Variants in CNTNAP2 observed in about 807,000 individuals in gnomAD.
CNTNAP2 encodes contactin-associated protein-like 2.
Under a neutral mutation model 155.2 loss-of-function variants are expected in CNTNAP2, and 98 were observed. The observed-to-expected ratio is 0.63, with a 90% CI of 0.54 to 0.75. The LOEUF (loss-of-function observed/expected upper bound fraction) is 0.75. CNTNAP2 is among the 30% of genes least tolerant of loss of function. CNTNAP2 has a pLI of 0.00. For synonymous variants in CNTNAP2, 651 were observed against 631.2 expected (o/e 1.03, Z -0.47); for missense variants, 1,727 against 1,688.1 (o/e 1.02, Z -0.40).
intron 1 of CNTNAP2, among the ~76,000 whole-genome samples, chr7:146,167,861 A>G (rs1352538649): frequency 6.6e-6 from 1 of 152,212 alleles, no homozygotes; most frequent in Non-Finnish European, 1.5e-5. Flanking sequence ...AAGCAATTAC[A>G]AGTCCCAAAG....
chr7:148,031,220 G>A (rs930960044), intron 15 of CNTNAP2, among the ~76,000 whole-genome samples: 3 of 152,082 alleles, frequency 2.0e-5, no homozygotes, highest in South Asian at 2.1e-4. Context: ...GATAGCTCCC[G>A]GGTCCTTAAG....
intron 13 of CNTNAP2, among the ~76,000 whole-genome samples, chr7:147,802,771 G>A (rs1798026339): frequency 6.8e-6 from 1 of 146,178 alleles, no homozygotes; most frequent in Non-Finnish European, 1.5e-5. Context: ...CTGTGGAAAG[G>A]GGAGAGGGAG....
intron 4 of CNTNAP2, among the ~76,000 whole-genome samples, chr7:147,101,543 G>T (rs893772099): frequency 2.6e-4 from 39 of 152,144 alleles, no homozygotes; most frequent in African/African-American, 9.4e-4. Context: ...CTCTTGATAC[G>T]CAGGTCCTTG....
intron 15 of CNTNAP2, among the ~76,000 whole-genome samples, chr7:148,076,403 C>A (rs1260242700): frequency 7.0e-6 from 1 of 142,826 alleles, no homozygotes; most frequent in Non-Finnish European, 1.5e-5. Context: ...CTGGTGTAGA[C>A]CTATGATAGC....
chr7:146,459,293 C>T (rs2140083), intron 1 of CNTNAP2, among the ~76,000 whole-genome samples: 147,679 of 152,150 alleles, frequency 0.97, 71,827 homozygotes, highest in South Asian at 1. Context: ...TAGGTCCATG[C>T]GTGTGCATTT....
rs1432884561 is a variant in CNTNAP2, at chr7:147,952,032, A to G, written c.2256-25830A>G. 5.3e-5 allele frequency among the ~76,000 whole-genome samples: 8 copies of G among 152,206 alleles called. No homozygotes were observed. The East Asian group carries it at 7.7e-4, about 15-fold the overall frequency. ...TTTAGAAACTGAGCTTAATACAGTT[A>G]ATAGGTAAATGTTAGATGAATACCT... On this transcript the variant is annotated intron_variant, in intron 14 of 23. Transcript: ENST00000361727.
chr7:148,090,506 G>C (rs1284263850), intron 15 of CNTNAP2, among the ~76,000 whole-genome samples: 1 of 151,980 alleles, frequency 6.6e-6, no homozygotes, highest in African/African-American at 2.4e-5. Context: ...TATTTAAAAG[G>C]TTTAATATCA....
At chr7:146,364,368 A>G (rs966853506) in intron 1 of CNTNAP2, among the ~76,000 whole-genome samples, 1 of 152,152 alleles carries the variant, frequency 6.6e-6, no homozygotes, top group African/African-American at 2.4e-5. Context: ...AGTATATGCA[A>G]CTCACTGCTG....
intron 11 of CNTNAP2, among the ~76,000 whole-genome samples, chr7:147,491,621 A>T (rs1007490063): frequency 6.6e-6 from 1 of 152,236 alleles, no homozygotes; most frequent in African/African-American, 2.4e-5. Flanking sequence ...CCCAGCACAG[A>T]CTATGCACGC....
intron 14 of CNTNAP2, among the ~76,000 whole-genome samples, chr7:147,960,792 T>TCTCCTTTCCTC (rs1187874885): frequency 1.3e-5 from 2 of 151,750 alleles, no homozygotes; most frequent in African/African-American, 4.8e-5. Flanking sequence ...GCTCTTTCTT[T>TCTCCTTTCCTC]CTCCTTTCCT....
At chr7:146,895,800 T>C (rs1010618326) in intron 3 of CNTNAP2, among the ~76,000 whole-genome samples, 4 of 152,150 alleles carry the variant, frequency 2.6e-5, no homozygotes, top group African/African-American at 9.6e-5. Flanking sequence ...CATTATGTCA[T>C]TGTCTCAAAG....
chr7:147,538,655 A>C (rs879343233), intron 11 of CNTNAP2, among the ~76,000 whole-genome samples: 1 of 152,136 alleles, frequency 6.6e-6, no homozygotes, highest in African/African-American at 2.4e-5. Flanking sequence ...ATATATAAAA[A>C]AAAATCCCTC....
chr7:147,861,469 A>G (rs954542450), intron 13 of CNTNAP2, among the ~76,000 whole-genome samples: 3 of 152,202 alleles, frequency 2.0e-5, no homozygotes, highest in African/African-American at 7.2e-5. Context: ...CATCCAACAC[A>G]TCCATTGAGT....
intron 8 of CNTNAP2, among the ~76,000 whole-genome samples, chr7:147,154,086 T>C (rs4726820): frequency 0.61 from 93,274 of 151,730 alleles, 29,012 homozygotes; most frequent in Middle Eastern, 0.72. Context: ...TCTGATACTA[T>C]TAAGATGCCC....
Position 147,167,516 on chromosome 7 carries a change from T to C in CNTNAP2, c.1348+35007T>C, listed in dbSNP as rs1802138747. The C allele has an allele frequency of 3.6e-6, 3 of 833,892 alleles. No homozygotes were observed. The South Asian group carries it at 4.7e-5, about 13-fold the overall frequency. The allele number at this position is 833,892 out of a possible 1,614,324, so 51.7% of individuals were successfully genotyped here. A position where few individuals can be genotyped will look rare whatever the true frequency, so the allele number is the denominator to read the frequency against. ...CCATGGACCCAGCTTTGACAGAGCA[T>C]TATAAGCATGACTTAGAGGTTCTTC... On this transcript the variant is annotated intron_variant, in intron 8 of 23. Coordinates refer to ENST00000361727, the MANE Select transcript of CNTNAP2 (RefSeq NM_014141.6).
At chr7:146,420,856 G>A (rs1269019958) in intron 1 of CNTNAP2, among the ~76,000 whole-genome samples, 1 of 152,002 alleles carries the variant, frequency 6.6e-6, no homozygotes, top group African/African-American at 2.4e-5. Flanking sequence ...GCAATTTGTA[G>A]GCACTCAGAT....
chr7:147,467,453 A>G (rs904214333), intron 10 of CNTNAP2, among the ~76,000 whole-genome samples: 1 of 152,238 alleles, frequency 6.6e-6, no homozygotes, highest in Non-Finnish European at 1.5e-5. Flanking sequence ...CAAATACCAC[A>G]TGAACTCACT....
chr7:147,691,850 A>G (rs1368836142), intron 13 of CNTNAP2, among the ~76,000 whole-genome samples: 2 of 152,108 alleles, frequency 1.3e-5, no homozygotes, highest in Non-Finnish European at 2.9e-5. Context: ...CAATCAATAA[A>G]CCTACACAGA....
At chr7:148,152,715 A>G (rs1327122783) in intron 17 of CNTNAP2, among the ~76,000 whole-genome samples, 2 of 152,138 alleles carry the variant, frequency 1.3e-5, no homozygotes, top group Non-Finnish European at 2.9e-5. Flanking sequence ...GACAATTATC[A>G]TCCTTGCTTT....
Sources: allele counts gnomAD v4.1 joint callset (sites outside exome capture counted in the v4.1 genomes callset), GRCh38; gene constraint gnomAD v4.1.1; transcripts MANE v1.5; gene names NCBI Gene and HGNC (gene_info 2026-07-23, HGNC 2026-07-21).